The following ENOX1 variants were observed in gnomAD, a reference collection of about 807,000 sequenced individuals.
ENOX1 encodes candidate growth-related and time keeping constitutive hydroquinone (NADH) oxidase.
Under a neutral mutation model 82.5 loss-of-function variants are expected in ENOX1, and 42 were observed. The observed-to-expected ratio is 0.51, with a 90% CI of 0.40 to 0.66. The LOEUF is 0.66. Among genes scored for constraint, ENOX1 ranks in the 30% least tolerant of loss-of-function variants. ENOX1 has a pLI of 0.00. For synonymous variants in ENOX1, 271 were observed against 282.2 expected, an observed-to-expected ratio of 0.96 and a Z score of 0.40; for missense variants, 608 against 811.6, an observed-to-expected ratio of 0.75 and a Z score of 3.05.
intron 2 of ENOX1, among the ~76,000 whole-genome samples, chr13:43,499,777 A>G (rs2076917846): frequency 6.6e-6 from 1 of 152,122 alleles, no homozygotes; most frequent in South Asian, 2.1e-4. Context: ...ATGGAGACCT[A>G]TAACTGCCAG....
At chr13:43,482,509 A>C (rs2058544702) in intron 3 of ENOX1, among the ~76,000 whole-genome samples, 2 of 152,206 alleles carry the variant, frequency 1.3e-5, no homozygotes, top group East Asian at 3.9e-4. Context: ...CAACAGGTAT[A>C]GCACTTTAGT....
chr13:43,723,061 C>T (rs2088684368), intron 1 of ENOX1, among the ~76,000 whole-genome samples: 1 of 152,188 alleles, frequency 6.6e-6, no homozygotes, highest in African/African-American at 2.4e-5. Flanking sequence ...ACTGTCCCCA[C>T]ACCTTAAGAA....
At chr13:43,485,809 C>T (rs1281473940) in intron 2 of ENOX1, among the ~76,000 whole-genome samples, 1 of 152,250 alleles carries the variant, frequency 6.6e-6, no homozygotes, top group South Asian at 2.1e-4. Flanking sequence ...GGCACGGTGG[C>T]CCACGCCTAT....
intron 2 of ENOX1, among the ~76,000 whole-genome samples, chr13:43,521,847 T>G (rs2077783428): frequency 6.6e-6 from 1 of 152,140 alleles, no homozygotes; most frequent in Admixed American, 6.6e-5. Context: ...CATGCTTTTT[T>G]GAGTATACAA....
At chr13:43,472,850 G>A (rs1277285536) in intron 3 of ENOX1, among the ~76,000 whole-genome samples, 2 of 152,092 alleles carry the variant, frequency 1.3e-5, no homozygotes, top group African/African-American at 2.4e-5. Context: ...AGTAATGAAA[G>A]GTTAATACTA....
chr13:43,737,843 A>G (rs1274508229), intron 1 of ENOX1, among the ~76,000 whole-genome samples: 1 of 152,146 alleles, frequency 6.6e-6, no homozygotes, highest in Non-Finnish European at 1.5e-5. Flanking sequence ...AGAACACACA[A>G]TGGGCCCTTA....
intron 8 of ENOX1, among the ~76,000 whole-genome samples, chr13:43,350,538 TG>T (rs2049707476): frequency 6.6e-6 from 1 of 152,180 alleles, no homozygotes; most frequent in Non-Finnish European, 1.5e-5. Flanking sequence ...CTCCACCTCC[TG>T]GGTTCAAGTG....
At chr13:43,534,780 G>A (rs1370423424) in intron 2 of ENOX1, among the ~76,000 whole-genome samples, 1 of 152,114 alleles carries the variant, frequency 6.6e-6, no homozygotes, top group Non-Finnish European at 1.5e-5. Flanking sequence ...GGGGGGTGTT[G>A]CCACTAGCAA....
At chr13:43,760,230 T>C (rs542635746) in intron 1 of ENOX1, among the ~76,000 whole-genome samples, 1 of 152,354 alleles carries the variant, frequency 6.6e-6, no homozygotes, top group Non-Finnish European at 1.5e-5. Flanking sequence ...AAGGCTAGAA[T>C]GTATCACCTT....
At chr13:43,712,203 C>G (rs969388359) in intron 1 of ENOX1, among the ~76,000 whole-genome samples, 1 of 145,110 alleles carries the variant, frequency 6.9e-6, no homozygotes, top group African/African-American at 2.5e-5. Context: ...GCTTGTTTTT[C>G]TCAGGTTTGT....
intron 1 of ENOX1, among the ~76,000 whole-genome samples, chr13:43,731,696 T>G (rs2089359183): frequency 6.6e-6 from 1 of 152,236 alleles, no homozygotes; most frequent in South Asian, 2.1e-4. Flanking sequence ...TAATTTAGTA[T>G]CTAGCTTAGT....
intron 2 of ENOX1, among the ~76,000 whole-genome samples, chr13:43,504,592 A>G (rs1462579845): frequency 6.6e-6 from 1 of 151,734 alleles, no homozygotes. Flanking sequence ...ACATGATACT[A>G]CTAATATGAG....
chr13:43,310,925 C>T (rs2047164283), intron 11 of ENOX1, among the ~76,000 whole-genome samples: 1 of 151,724 alleles, frequency 6.6e-6, no homozygotes, highest in Non-Finnish European at 1.5e-5. Flanking sequence ...TTCCTCTTAG[C>T]CCCATCCTTC....
At chr13:43,433,674 A>C (rs1297846507) in intron 3 of ENOX1, among the ~76,000 whole-genome samples, 2 of 152,202 alleles carry the variant, frequency 1.3e-5, no homozygotes, top group Non-Finnish European at 2.9e-5. Flanking sequence ...GACGTGATGC[A>C]CTCTGAGTTT....
rs2046352340 is a variant in ENOX1 at position 43,297,644 on chromosome 13, C to T, written c.1446+702G>A. Among the ~76,000 whole-genome samples, 3 of 152,194 alleles carry T rather than the reference C, an allele frequency of 2.0e-5. No individual in the cohort carries two copies. The South Asian group carries it at 6.2e-4, about 32-fold the overall frequency. On this transcript the variant is annotated intron_variant, in intron 12 of 16. Coordinates refer to ENST00000690772, the MANE Select transcript of ENOX1 (RefSeq NM_001347969.2). ...CAGTCAGATTTTCCCCTCCTGTCGACATTTTATATCCCACAGTACCTGTTC... is the reference window on the plus strand; with the variant it reads ...CAGTCAGATTTTCCCCTCCTGTCGATATTTTATATCCCACAGTACCTGTTC...
At chr13:43,590,607 T>C (rs2011133) in intron 2 of ENOX1, among the ~76,000 whole-genome samples, 1,544 of 56,616 alleles carry the variant, frequency 0.027, 14 homozygotes, top group South Asian at 0.09. Flanking sequence ...ACCTTGTTTC[T>C]ACTAAAAAAA....
chr13:43,341,825 T>C (rs1491002024), intron 9 of ENOX1, among the ~76,000 whole-genome samples: 1 of 152,208 alleles, frequency 6.6e-6, no homozygotes, highest in Non-Finnish European at 1.5e-5. Flanking sequence ...TCAAAAATTA[T>C]ATTTCTCGCA....
intron 3 of ENOX1, among the ~76,000 whole-genome samples, chr13:43,469,065 A>G (rs1481933523): frequency 1.3e-5 from 2 of 152,232 alleles, no homozygotes; most frequent in East Asian, 3.9e-4. Flanking sequence ...TAGGTGGAAA[A>G]CTTTCAGTCT....
At chr13:43,234,433 T>C (rs190168891) in intron 15 of ENOX1, among the ~76,000 whole-genome samples, 112 of 152,302 alleles carry the variant, frequency 7.4e-4, no homozygotes, top group Middle Eastern at 3.4e-3. Context: ...TAAGTTTATT[T>C]TAATCACTTA....
Sources: gnomAD v4.1 joint callset for allele counts (sites outside exome capture counted in the v4.1 genomes callset) on GRCh38, gnomAD v4.1.1 for gene constraint, MANE v1.5 for transcripts, NCBI Gene and HGNC (gene_info 2026-07-23, HGNC 2026-07-21) for gene names.